Variants in CHERP observed in about 807,000 individuals in gnomAD.
CHERP encodes the protein ERPROT 213-21.
In CHERP, 8 loss-of-function variants were observed where a neutral mutation model predicts 113.8. The observed-to-expected ratio is 0.07, with a 90% CI of 0.04 to 0.13. CHERP has a LOEUF of 0.13. Among genes scored for constraint, CHERP ranks in the 10% least tolerant of loss-of-function variants. The pLI, the probability that CHERP is intolerant of heterozygous loss-of-function variation, is 1.00. For missense variants in CHERP, 884 were observed against 1,298.2 expected (o/e 0.68, Z 4.90); for synonymous variants, 559 against 524.5 (o/e 1.07, Z -0.90).
intron 3 of CHERP, among the ~76,000 whole-genome samples, chr19:16,534,685 A>C (rs779548688): frequency 1.3e-5 from 2 of 151,912 alleles, no homozygotes; most frequent in Non-Finnish European, 2.9e-5. Flanking sequence ...CATGTTGACC[A>C]GGCTAGCCTC....
rs1359260982 is a variant in CHERP at position 16,525,771 on chromosome 19, G to A, written c.1306-94C>T. 6 of 1,209,686 alleles carry A rather than the reference G, an allele frequency of 5.0e-6. No individual in the cohort carries two copies. Among genetic ancestry groups the A allele is most frequent in the Non-Finnish European group, 6.6e-6 (6 of 908,160 alleles). 74.9% of individuals were successfully genotyped at this position (1,209,686 alleles called of 1,614,324 possible). A position where few individuals can be genotyped will look rare whatever the true frequency, so the allele number is the denominator to read the frequency against. ...TCGGCAGCATCACAGCGCTGGCTCAGACCATGGAGGCGCTGCCCTGGCCAC... is the reference window on the plus strand; with the variant it reads ...TCGGCAGCATCACAGCGCTGGCTCAAACCATGGAGGCGCTGCCCTGGCCAC... On this transcript the variant is annotated intron_variant, in intron 9 of 16. Transcript: ENST00000546361. This position sits in a 1 kb window ranked among gnomAD's most constrained non-coding sequence, Gnocchi z 6.5.
chr19:16,532,944 T>C lies in CHERP; in HGVS notation c.522+67A>G. On this transcript the variant is annotated intron_variant, in intron 4 of 16. Transcript: ENST00000546361. This position sits in a 1 kb window ranked among gnomAD's most constrained non-coding sequence, Gnocchi z 4.4. ...GTAACAGCCCTTAGCCCAGATTGGCTACGACAGGCCCTGCCTCAGGGAGGG... is the reference window on the plus strand; with the variant it reads ...GTAACAGCCCTTAGCCCAGATTGGCCACGACAGGCCCTGCCTCAGGGAGGG... 6.5e-7 allele frequency: 1 copy of C among 1,544,526 alleles called. No individual in the cohort carries two copies. Among genetic ancestry groups the C allele is most frequent in the South Asian group, 1.2e-5 (1 of 83,618 alleles).
intron 3 of CHERP, among the ~76,000 whole-genome samples, chr19:16,533,572 C>T (rs971928994): frequency 2.0e-5 from 3 of 152,120 alleles, no homozygotes; most frequent in South Asian, 4.1e-4. Context: ...ACCTGGGCAA[C>T]GTAGCGAAAC....
rs1194811356 is a variant in CHERP at position 16,523,215 on chromosome 19, C to A, written c.1817G>T (p.Gly606Val). The change falls in exon 11 of 17, where the codon GGA (glycine) becomes GTA (valine). Residue 606 changes from glycine (G) to valine (V), a missense_variant. By Grantham distance (109) the Gly-to-Val change is moderately radical. Transcript: ENST00000546361. This position sits in a 1 kb window ranked among gnomAD's most constrained non-coding sequence, Gnocchi z 4.0. ...PGINEHPPWAGPQHPDFGPPP... is the reference protein window; with the variant it reads ...PGINEHPPWAVPQHPDFGPPP... ...AGGGCCGAAGTCAGGGTGCTGGGGTCCAGCCCAAGGCGGGTGCTCGTTGAT... is the reference window on the plus strand; with the variant it reads ...AGGGCCGAAGTCAGGGTGCTGGGGTACAGCCCAAGGCGGGTGCTCGTTGAT... The A allele has an allele frequency of 3.1e-6, 5 of 1,595,206 alleles. No individual in the cohort carries two copies. The highest frequency in any genetic ancestry group is 3.6e-5 in the Admixed American group (2 of 55,912).
chr19:16,532,172 T>C lies in CHERP; in HGVS notation c.674+426A>G, dbSNP rs1441715587. On this transcript the variant is annotated intron_variant, in intron 5 of 16. Coordinates refer to ENST00000546361, the MANE Select transcript of CHERP (RefSeq NM_006387.6). The surrounding 1 kb of genome is among the most constrained non-coding windows in gnomAD (Gnocchi z 4.4). The stretch of plus-strand genomic sequence containing the variant: ...AGGGGATCCCAAAGGAGGGTCCTGA[T>C]GGCTGAGCAAAGTCAGGTGACCGCG... The C allele has an allele frequency of 6.0e-6, 1 of 167,138 alleles. No homozygotes were observed. The highest frequency in any genetic ancestry group is 1.3e-5 in the Non-Finnish European group (1 of 76,848). 10.4% of individuals were successfully genotyped at this position (167,138 alleles called of 1,614,324 possible). A position where few individuals can be genotyped will look rare whatever the true frequency, so the allele number is the denominator to read the frequency against.
chr19:16,542,287 A>G (rs1468763761), intron 1 of CHERP, 67 bp downstream of exon 1: 2 of 1,334,886 alleles, frequency 1.5e-6, no homozygotes, highest in South Asian at 1.8e-5. Context: ...GGACTCCGGG[A>G]GGCGGGGCCG....
intron 2 of CHERP, among the ~76,000 whole-genome samples, chr19:16,538,662 A>G (rs756977820): frequency 3.0e-4 from 45 of 152,034 alleles, no homozygotes; most frequent in Non-Finnish European, 5.7e-4. Flanking sequence ...CAGCCTGGGC[A>G]ACAAGAGCAA....
At chr19:16,533,420 A>T (rs906100701) in intron 3 of CHERP, among the ~76,000 whole-genome samples, 1 of 152,244 alleles carries the variant, frequency 6.6e-6, no homozygotes, top group East Asian at 1.9e-4. Flanking sequence ...ACCAAGGAAA[A>T]CACTGCAGCC....
At chr19:16,528,044 G>A in intron 9 of CHERP, 36 bp downstream of exon 9, 1 of 1,605,612 alleles carries the variant, frequency 6.2e-7, no homozygotes, top group Non-Finnish European at 8.5e-7. Flanking sequence ...GGCCAAGTGT[G>A]CCCCATCTGC....
Position 16,523,065 on chromosome 19 carries a change from G to T in CHERP, c.1967C>A (p.Ala656Asp). ...PYFDLPAGLM[A>D]PLVKLEDHEY... ...GTGGGGCATTACCTTCACGAGGGGG[G>T]CCATCAGCCCAGCAGGGAGATCGAA... The change falls in exon 11 of 17, where the codon GCC (alanine) becomes GAC (aspartate). Residue 656 changes from alanine (A) to aspartate (D), a missense_variant. Physicochemically the swap from Ala to Asp is moderately radical, Grantham distance 126. This residue lies in a region of CHERP where 464 missense variants were observed against 590.1 expected (regional missense o/e 0.79). Transcript: ENST00000546361. This position sits in a 1 kb window ranked among gnomAD's most constrained non-coding sequence, Gnocchi z 4.0. 2 of 1,513,646 alleles carry T rather than the reference G, an allele frequency of 1.3e-6. No homozygotes were observed. Among genetic ancestry groups the T allele is most frequent in the Non-Finnish European group, 1.8e-6 (2 of 1,134,668 alleles). The allele number at this position is 1,513,646 out of a possible 1,614,324, so 93.8% of individuals were successfully genotyped here.
Position 16,542,397 on chromosome 19 carries a change from C to A in CHERP, c.-19G>T. On this transcript the variant is annotated 5_prime_UTR_variant, in exon 1 of 17. Transcript: ENST00000546361. ...TCTCCATGGCTCCGGCCGCGGGGAA[C>A]GTCCTCCGGCGCCACACGATCGACC... 7.4e-7 allele frequency: 1 copy of A among 1,356,088 alleles called. No individual in the cohort carries two copies. Among genetic ancestry groups the A allele is most frequent in the Non-Finnish European group, 9.6e-7 (1 of 1,046,774 alleles). The allele number at this position is 1,356,088 out of a possible 1,614,324, so 84.0% of individuals were successfully genotyped here. A position where few individuals can be genotyped will look rare whatever the true frequency, so the allele number is the denominator to read the frequency against.
At position 16,532,792 on chromosome 19, in the gene CHERP, C is replaced by A. The variant is rs913108859; in HGVS notation, c.523-43G>T. ...ATGACGAGTGAGCAGGGCCGCGGCT[C>A]CCCCAGGCACCCACTGCATCCCTGA... On this transcript the variant is annotated intron_variant, in intron 4 of 16. Coordinates refer to ENST00000546361, the MANE Select transcript of CHERP (RefSeq NM_006387.6). This position sits in a 1 kb window ranked among gnomAD's most constrained non-coding sequence, Gnocchi z 4.4. 7 of 1,577,172 alleles carry A rather than the reference C, an allele frequency of 4.4e-6. No individual in the cohort carries two copies. In the African/African-American group the frequency reaches 8.1e-5, roughly 18 times the overall value.
At chr19:16,521,173 G>A in intron 12 of CHERP, 1 of 584,686 alleles carries the variant, frequency 1.7e-6, no homozygotes, top group Non-Finnish European at 3.1e-6. Flanking sequence ...TGTGGAACTG[G>A]GAAACAGGAA....
chr19:16,538,939 C>G (rs1028813623), intron 2 of CHERP, among the ~76,000 whole-genome samples: 5 of 151,990 alleles, frequency 3.3e-5, no homozygotes, highest in Non-Finnish European at 7.4e-5. Flanking sequence ...CCACCTGCCC[C>G]CCATGCTCCC....
At position 16,532,929 on chromosome 19, in the gene CHERP, T is replaced by C; in HGVS notation, c.522+82A>G. On this transcript the variant is annotated intron_variant, in intron 4 of 16. Transcript: ENST00000546361. This position sits in a 1 kb window ranked among gnomAD's most constrained non-coding sequence, Gnocchi z 4.4. ...GGAAGGGCACCCATTGTAACAGCCC[T>C]TAGCCCAGATTGGCTACGACAGGCC... 2 of 1,534,266 alleles carry C rather than the reference T, an allele frequency of 1.3e-6. No individual in the cohort carries two copies. The highest frequency in any genetic ancestry group is 2.4e-5 in the South Asian group (2 of 81,980).
At chr19:16,540,260 T>C (rs958747531) in intron 2 of CHERP, among the ~76,000 whole-genome samples, 1 of 151,122 alleles carries the variant, frequency 6.6e-6, no homozygotes, top group African/African-American at 2.4e-5. Context: ...AGAGATGGGG[T>C]TTCACCATGT....
chr19:16,535,750 G>A lies in CHERP; in HGVS notation c.200-114C>T, dbSNP rs900830572. ...CCCTCCCCAGGGACTCACCATCCAC[G>A]AGGGCCTGTTCATAGCCTCATGCCC... On this transcript the variant is annotated intron_variant, in intron 2 of 16. Transcript: ENST00000546361. The surrounding 1 kb of genome is among the most constrained non-coding windows in gnomAD (Gnocchi z 4.3). 4.3e-5 allele frequency: 45 copies of A among 1,041,958 alleles called. No individual in the cohort carries two copies. The highest frequency in any genetic ancestry group is 5.8e-5 in the Non-Finnish European group (43 of 741,564). The allele number at this position is 1,041,958 out of a possible 1,614,324, so 64.5% of individuals were successfully genotyped here.
chr19:16,541,159 T>C (rs1361892055), intron 2 of CHERP: 2 of 152,104 alleles, frequency 1.3e-5, no homozygotes, highest in African/African-American at 4.8e-5. Context: ...TAACACACAA[T>C]TGGCGTTCGA....
In CHERP at chr19:16,542,433, T is replaced by G. The variant is rs1408358914; in HGVS notation, c.-55A>C. The G allele has an allele frequency of 7.6e-7, 1 of 1,308,490 alleles. No homozygotes were observed. The highest frequency in any genetic ancestry group is 9.8e-7 in the Non-Finnish European group (1 of 1,021,392). 81.1% of individuals were successfully genotyped at this position (1,308,490 alleles called of 1,614,324 possible). ...GCCACACGATCGACCACCAGCGCCG[T>G]CTGCGGAAGCCGGCCGGAAGTGGCG... On this transcript the variant is annotated 5_prime_UTR_variant, in exon 1 of 17. Coordinates refer to ENST00000546361, the MANE Select transcript of CHERP (RefSeq NM_006387.6).
Sources: allele counts gnomAD v4.1 joint callset (sites outside exome capture counted in the v4.1 genomes callset), GRCh38; gene constraint gnomAD v4.1.1; regional missense constraint gnomAD v4.1.1; non-coding constraint Gnocchi (gnomAD v3.1); transcripts MANE v1.5; gene names NCBI Gene and HGNC (gene_info 2026-07-23, HGNC 2026-07-21).